The following MPPED2 variants were observed in gnomAD, a reference collection of about 807,000 sequenced individuals.
The protein encoded by MPPED2 is metallophosphoesterase MPPED2.
In MPPED2, 5 loss-of-function variants were observed where a neutral mutation model predicts 33.0. The observed-to-expected ratio is 0.15, with a 90% CI of 0.08 to 0.32. MPPED2 has a LOEUF of 0.32. MPPED2 is among the 10% of genes least tolerant of loss of function. The pLI is 1.00. For synonymous variants in MPPED2, 136 were observed against 141.9 expected (o/e 0.96, Z 0.29); for missense variants, 275 against 372.1 (o/e 0.74, Z 2.15).
chr11:30,509,683 T>C (rs1953039721), intron 3 of MPPED2, among the ~76,000 whole-genome samples: 1 of 152,204 alleles, frequency 6.6e-6, no homozygotes, highest in South Asian at 2.1e-4. Flanking sequence ...GCCAGTTCTA[T>C]CCTTTTGCTT....
At chr11:30,430,179 T>G (rs1949014534) in intron 4 of MPPED2, among the ~76,000 whole-genome samples, 1 of 152,218 alleles carries the variant, frequency 6.6e-6, no homozygotes, top group African/African-American at 2.4e-5. Context: ...AAGATTGGGC[T>G]TTTAAAAAGC....
chr11:30,477,356 T>A (rs1951260066), intron 4 of MPPED2, among the ~76,000 whole-genome samples: 1 of 152,130 alleles, frequency 6.6e-6, no homozygotes, highest in Non-Finnish European at 1.5e-5. Context: ...ATGTTAAGTG[T>A]AGGACTGTAG....
At chr11:30,436,164 C>A (rs1025678932) in intron 4 of MPPED2, among the ~76,000 whole-genome samples, 1 of 147,100 alleles carries the variant, frequency 6.8e-6, no homozygotes, top group Non-Finnish European at 1.5e-5. Context: ...AGTCTGTAAA[C>A]TCTCTAAACT....
At chr11:30,403,116 G>A (rs369910771) in intron 6 of MPPED2, among the ~76,000 whole-genome samples, 1 of 152,162 alleles carries the variant, frequency 6.6e-6, no homozygotes, top group South Asian at 2.1e-4. Context: ...GCATGGTGGC[G>A]GGCAGCTGTA....
chr11:30,514,808 T>TA (rs1425130904), intron 3 of MPPED2, among the ~76,000 whole-genome samples: 3 of 152,182 alleles, frequency 2.0e-5, no homozygotes, highest in African/African-American at 7.2e-5. Context: ...GGCACCATCC[T>TA]AAAAAACTTT....
chr11:30,434,122 A>C (rs531568744), intron 4 of MPPED2, among the ~76,000 whole-genome samples: 1 of 152,132 alleles, frequency 6.6e-6, no homozygotes, highest in Non-Finnish European at 1.5e-5. Context: ...TAATCTTCCC[A>C]TCTCATGACC....
chr11:30,462,266 T>C (rs1355318690), intron 4 of MPPED2, among the ~76,000 whole-genome samples: 1 of 152,082 alleles, frequency 6.6e-6, no homozygotes, highest in South Asian at 2.1e-4. Flanking sequence ...AACAATACAC[T>C]GAAAACAGCA....
intron 4 of MPPED2, among the ~76,000 whole-genome samples, chr11:30,435,458 G>A (rs139972269): frequency 6.6e-6 from 1 of 152,176 alleles, no homozygotes; most frequent in Non-Finnish European, 1.5e-5. Context: ...AGTGACACTC[G>A]ATCACAGTGG....
chr11:30,445,439 C>A (rs997786489), intron 4 of MPPED2, among the ~76,000 whole-genome samples: 10 of 152,152 alleles, frequency 6.6e-5, no homozygotes, highest in Admixed American at 2.6e-4. Flanking sequence ...ATTAGTGTAA[C>A]CTTTTTTCTT....
intron 4 of MPPED2, among the ~76,000 whole-genome samples, chr11:30,459,244 A>T (rs1321859958): frequency 1.3e-5 from 2 of 152,062 alleles, no homozygotes; most frequent in East Asian, 1.9e-4. Flanking sequence ...CAGAAATTTA[A>T]ATTTACCCAA....
chr11:30,399,984 ATAAG>A (rs1180169603), intron 6 of MPPED2, among the ~76,000 whole-genome samples: 7 of 152,226 alleles, frequency 4.6e-5, no homozygotes, highest in Non-Finnish European at 1.0e-4. Context: ...GTAATTAGAG[ATAAG>A]TATTTGTGGA....
intron 2 of MPPED2, among the ~76,000 whole-genome samples, chr11:30,579,397 T>C (rs1188929841): frequency 6.6e-6 from 1 of 152,142 alleles, no homozygotes; most frequent in Admixed American, 6.5e-5. Context: ...GAAAGACTCA[T>C]GTTAGACATT....
intron 6 of MPPED2, among the ~76,000 whole-genome samples, chr11:30,413,201 C>A (rs1006735505): frequency 2.0e-5 from 3 of 152,252 alleles, no homozygotes; most frequent in Non-Finnish European, 2.9e-5. Flanking sequence ...CAGGAAGCCA[C>A]TGAATTTGTG....
intron 4 of MPPED2, among the ~76,000 whole-genome samples, chr11:30,447,707 G>C (rs973954109): frequency 1.3e-5 from 2 of 152,188 alleles, no homozygotes; most frequent in Non-Finnish European, 2.9e-5. Context: ...TTAAACAGGG[G>C]CAAGTAAGAA....
intron 1 of MPPED2, among the ~76,000 whole-genome samples, chr11:30,583,066 C>T (rs1026931286): frequency 6.7e-6 from 1 of 150,342 alleles, no homozygotes; most frequent in East Asian, 2.0e-4. Context: ...CTATGTTCAT[C>T]CCCACCCGTA....
At chr11:30,493,200 T>C (rs893760316) in intron 4 of MPPED2, among the ~76,000 whole-genome samples, 1 of 151,628 alleles carries the variant, frequency 6.6e-6, no homozygotes, top group South Asian at 2.1e-4. Flanking sequence ...TGAAACCCCG[T>C]CTCTACTAAA....
At chr11:30,499,772 A>G (rs894011182) in intron 3 of MPPED2, among the ~76,000 whole-genome samples, 2 of 152,222 alleles carry the variant, frequency 1.3e-5, no homozygotes, top group African/African-American at 4.8e-5. Flanking sequence ...AGAGGATTCC[A>G]TAAGCTTGCT....
chr11:30,488,263 A>T (rs1229679461), intron 4 of MPPED2, among the ~76,000 whole-genome samples: 1 of 152,242 alleles, frequency 6.6e-6, no homozygotes. Flanking sequence ...GATAATACAT[A>T]TGAAAGTTCT....
intron 3 of MPPED2, among the ~76,000 whole-genome samples, chr11:30,501,917 T>C (rs1952583287): frequency 6.6e-6 from 1 of 152,128 alleles, no homozygotes; most frequent in African/African-American, 2.4e-5. Context: ...CAAGACAATC[T>C]AGTGGTTTGA....
Sources: allele counts gnomAD v4.1 joint callset (sites outside exome capture counted in the v4.1 genomes callset), GRCh38; gene constraint gnomAD v4.1.1; transcripts MANE v1.5; gene names NCBI Gene and HGNC (gene_info 2026-07-23, HGNC 2026-07-21).